The following CFAP54 variants were observed in gnomAD, a reference collection of about 807,000 sequenced individuals.
The protein encoded by CFAP54 is cilia and flagella associated protein 54.
A neutral mutation model predicts 370.4 loss-of-function variants in CFAP54; 290 were observed. The observed-to-expected ratio is 0.78, with a 90% CI of 0.71 to 0.86. The LOEUF (loss-of-function observed/expected upper bound fraction) is 0.86, where lower values mean the gene tolerates loss of function less well. Among genes scored for constraint, CFAP54 ranks in the 40% least tolerant of loss-of-function variants. CFAP54 has a pLI of 0.00. For synonymous variants in CFAP54, 1,206 were observed against 1,236.5 expected (o/e 0.98, Z 0.52); for missense variants, 3,399 against 3,528.7 (o/e 0.96, Z 0.93).
chr12:96,530,892 C>T (rs1049763252), intron 9 of CFAP54, among the ~76,000 whole-genome samples: 1 of 152,078 alleles, frequency 6.6e-6, no homozygotes, highest in African/African-American at 2.4e-5. Context: ...TAGTAATATC[C>T]CACTGTGACT....
chr12:96,701,441 G>C (rs754218668), intron 46 of CFAP54, among the ~76,000 whole-genome samples: 6 of 152,036 alleles, frequency 3.9e-5, no homozygotes, highest in South Asian at 2.1e-4. Context: ...GACAGCAGGG[G>C]GGCTCCTGCT....
chr12:96,854,477 A>G, intron 66 of CFAP54, among the ~76,000 whole-genome samples: 1 of 152,188 alleles, frequency 6.6e-6, no homozygotes, highest in East Asian at 1.9e-4. Flanking sequence ...GTTAAGGTGT[A>G]AAAGGTAAAT....
At chr12:96,520,192 A>C (rs759323008) in intron 6 of CFAP54, among the ~76,000 whole-genome samples, 1 of 152,120 alleles carries the variant, frequency 6.6e-6, no homozygotes, top group Non-Finnish European at 1.5e-5. Context: ...ACCATTTAAT[A>C]CACTCTATTT....
chr12:96,786,904 G>A lies in CFAP54; in HGVS notation c.8679+6G>A, dbSNP rs1958635475. 2.7e-6 allele frequency: 4 copies of A among 1,508,828 alleles called. No individual in the cohort carries two copies. In the African/African-American group the frequency reaches 4.2e-5, roughly 16 times the overall value. 93.5% of individuals were successfully genotyped at this position (1,508,828 alleles called of 1,614,324 possible). ...TACGTGAATCATCTGCCAAGGTAAC[G>A]TTTTTTGAAACATGATATATTTACA... On this transcript the variant is annotated splice_donor_region_variant and intron_variant, in intron 62 of 67. Transcript: ENST00000524981.
At chr12:96,706,815 C>T (rs572990781) in intron 47 of CFAP54, among the ~76,000 whole-genome samples, 50 of 151,756 alleles carry the variant, frequency 3.3e-4, no homozygotes, top group African/African-American at 1.1e-3. Flanking sequence ...TGTTTGTGTG[C>T]GCACGTGTGT....
chr12:96,691,043 A>G (rs1957382215), intron 43 of CFAP54, 85 bp from the exon 44 acceptor site: 1 of 1,186,090 alleles, frequency 8.4e-7, no homozygotes, highest in Admixed American at 2.2e-5. Context: ...GCATTTTATA[A>G]AGCAATACAT....
intron 67 of CFAP54, among the ~76,000 whole-genome samples, chr12:96,870,613 A>G (rs560150418): frequency 6.6e-6 from 1 of 152,312 alleles, no homozygotes; most frequent in South Asian, 2.1e-4. Context: ...TTATATTATT[A>G]CATACATCTT....
rs933249105 is a variant in CFAP54 at position 96,804,477 on chromosome 12, A to G, written c.8851-7259A>G. Among the ~76,000 whole-genome samples, 6 of 152,288 alleles carry G rather than the reference A, an allele frequency of 3.9e-5. No individual in the cohort carries two copies. In the South Asian group the frequency reaches 1.2e-3, roughly 32 times the overall value. ...TCAGTAGCATTTCTATATACCAATA[A>G]TGATCTAACCGAGGACCAAATCAAG... On this transcript the variant is annotated intron_variant, in intron 63 of 67. Coordinates refer to ENST00000524981, the MANE Select transcript of CFAP54 (RefSeq NM_001306084.2).
chr12:96,772,142 G>C (rs1030014066), intron 60 of CFAP54, among the ~76,000 whole-genome samples: 1 of 152,030 alleles, frequency 6.6e-6, no homozygotes, highest in Non-Finnish European at 1.5e-5. Context: ...CAAAAGATAC[G>C]AAAGGGTATC....
chr12:96,815,548 A>G (rs971152116), intron 64 of CFAP54, among the ~76,000 whole-genome samples: 1 of 152,196 alleles, frequency 6.6e-6, no homozygotes, highest in Non-Finnish European at 1.5e-5. Context: ...TTTGCTGTGC[A>G]GAAACTCTTT....
At chr12:96,550,013 T>C (rs1955678596) in intron 15 of CFAP54, among the ~76,000 whole-genome samples, 1 of 152,038 alleles carries the variant, frequency 6.6e-6, no homozygotes. Flanking sequence ...GAAAGAAAAC[T>C]TATTTCAAAG....
At position 96,591,582 on chromosome 12, in the gene CFAP54, C is replaced by A. The variant is rs116391470; in HGVS notation, c.3213-908C>A. Among the ~76,000 whole-genome samples, 823 of 152,148 alleles carry A rather than the reference C, an allele frequency of 5.4e-3. 10 individuals are homozygous for A. The highest frequency in any genetic ancestry group is 0.019 in the African/African-American group (769 of 41,494). On this transcript the variant is annotated intron_variant, in intron 23 of 67. Coordinates refer to ENST00000524981, the MANE Select transcript of CFAP54 (RefSeq NM_001306084.2). ...ATAAGAGCTTATGGGGTGGAAAGAA[C>A]AAAGGATTTAGAAATATTTTTTTTT...
At chr12:96,792,714 T>C (rs887227442) in intron 63 of CFAP54, among the ~76,000 whole-genome samples, 1 of 152,186 alleles carries the variant, frequency 6.6e-6, no homozygotes, top group Non-Finnish European at 1.5e-5. Flanking sequence ...CCTGATCCCA[T>C]AGGGAAAATT....
At chr12:96,868,516 A>T (rs1287233445) in intron 67 of CFAP54, among the ~76,000 whole-genome samples, 6 of 149,368 alleles carry the variant, frequency 4.0e-5, no homozygotes, top group Admixed American at 6.7e-5. Flanking sequence ...TTTTTTTTAC[A>T]TTCTCGTTTT....
intron 63 of CFAP54, among the ~76,000 whole-genome samples, chr12:96,805,287 C>T (rs371959982): frequency 3.3e-5 from 5 of 151,440 alleles, no homozygotes; most frequent in East Asian, 1.9e-4. Context: ...GAAATAGTCA[C>T]GAGAGTAAAC....
At chr12:96,762,602 G>T (rs12820022) in intron 58 of CFAP54, among the ~76,000 whole-genome samples, 57,537 of 151,940 alleles carry the variant, frequency 0.38, 11,182 homozygotes, top group Middle Eastern at 0.44. Flanking sequence ...TGAATGGCTG[G>T]GTCACTAGTT....
intron 19 of CFAP54, among the ~76,000 whole-genome samples, chr12:96,569,113 C>A (rs1341021218): frequency 2.0e-5 from 3 of 152,170 alleles, no homozygotes; most frequent in Non-Finnish European, 4.4e-5. Context: ...TCTTAGTCCA[C>A]TAACAGAACA....
chr12:96,601,379 C>T (rs1259770515), intron 26 of CFAP54, among the ~76,000 whole-genome samples: 3 of 152,110 alleles, frequency 2.0e-5, no homozygotes, highest in Non-Finnish European at 4.4e-5. Flanking sequence ...TGAGGATTTT[C>T]ACATCGATGT....
intron 6 of CFAP54, among the ~76,000 whole-genome samples, chr12:96,519,924 C>G (rs1437055193): frequency 6.6e-6 from 1 of 152,164 alleles, no homozygotes; most frequent in East Asian, 1.9e-4. Flanking sequence ...TACAAGCCAC[C>G]TTCCCTCCTC....
Sources: gnomAD v4.1 joint callset for allele counts (sites outside exome capture counted in the v4.1 genomes callset) on GRCh38, gnomAD v4.1.1 for gene constraint, MANE v1.5 for transcripts, NCBI Gene and HGNC (gene_info 2026-07-23, HGNC 2026-07-21) for gene names.